The following MPDU1 variants were observed in gnomAD, a reference collection of about 807,000 sequenced individuals.
The protein encoded by MPDU1 is mannose-P-dolichol utilization defect 1, also known as mannose-P-dolichol utilization defect 1 protein.
Under a neutral mutation model 27.6 loss-of-function variants are expected in MPDU1, and 18 were observed. The ratio of observed to expected loss-of-function variants is 0.65; its 90% CI spans 0.45 to 0.97. The LOEUF is 0.97. Among genes scored for constraint, MPDU1 ranks in the 50% least tolerant of loss-of-function variants. The pLI, the probability that MPDU1 is intolerant of heterozygous loss-of-function variation, is 0.00. For missense variants in MPDU1, 279 were observed against 297.4 expected, an observed-to-expected ratio of 0.94 and a Z score of 0.46; for synonymous variants, 142 against 131.1, an observed-to-expected ratio of 1.08 and a Z score of -0.57.
chr17:7,584,283 G>C, intron 1 of MPDU1: 1 of 576,492 alleles, frequency 1.7e-6, no homozygotes, highest in Non-Finnish European at 3.1e-6. Context: ...ATCGCTAGCA[G>C]GGTTAAACTT....
At chr17:7,586,529 G>T in intron 3 of MPDU1, 163 bp from the exon 4 acceptor site, 2 of 715,618 alleles carry the variant, frequency 2.8e-6, no homozygotes, top group Admixed American at 4.0e-5. Context: ...TTGAGAAGGG[G>T]TGAGCATCCC....
Position 7,585,804 on chromosome 17 carries a change from CTCTTA to C in MPDU1, c.169+12_169+16del, listed in dbSNP as rs1442623168. The C allele has an allele frequency of 1.9e-6, 3 of 1,614,070 alleles. No homozygotes were observed. Among genetic ancestry groups the C allele is most frequent in the East Asian group, 2.2e-5 (1 of 44,894 alleles). On this transcript the variant is annotated splice_region_variant and intron_variant, in intron 2 of 6. Coordinates refer to ENST00000250124, the MANE Select transcript of MPDU1 (RefSeq NM_004870.4). ...GTGGCTGGCTCACTTCTAGGTATGT[CTCTTA>C]TCTTTCTTTCCAGCTGTTGGGTTGG...
chr17:7,583,685 CCTGA>C, upstream of MPDU1: 1 of 781,596 alleles, frequency 1.3e-6, no homozygotes, highest in Non-Finnish European at 2.3e-6. Flanking sequence ...AAACGTGGTC[CCTGA>C]CTGAGACTTA....
chr17:7,584,782 A>G (rs2071553152), intron 1 of MPDU1, among the ~76,000 whole-genome samples: 2 of 152,190 alleles, frequency 1.3e-5, no homozygotes, highest in Admixed American at 1.3e-4. Context: ...ACCTGAGGTC[A>G]GGCGTTCGAG....
chr17:7,587,895 C>T lies in MPDU1; in HGVS notation c.*344C>T, dbSNP rs767366072. 6 of 493,242 alleles carry T rather than the reference C, an allele frequency of 1.2e-5. No individual in the cohort carries two copies. Among genetic ancestry groups the T allele is most frequent in the African/African-American group, 7.8e-5 (4 of 51,604 alleles). The allele number at this position is 493,242 out of a possible 1,614,324, so 30.6% of individuals were successfully genotyped here. ...CTGGGCAAATGTTTTACCCTGTCCT[C>T]CAGCCTCCCTGCTTCCCTTCTGGCC... On this transcript the variant is annotated 3_prime_UTR_variant, in exon 7 of 7. Transcript: ENST00000250124.
At chr17:7,585,622 T>G in intron 1 of MPDU1, 110 bp from the exon 2 acceptor site, 1 of 1,022,894 alleles carries the variant, frequency 9.8e-7, no homozygotes, top group Non-Finnish European at 1.5e-6. Flanking sequence ...CCCAAGACAA[T>G]GCAAGACCCT....
rs371831033 is a variant in MPDU1, at chr17:7,587,598, A to G, written c.*47A>G. ...CGTTTCCACTCATTCACCCAACCTC[A>G]GGGTTCTCCCCATCTGAGCCAGCCT... On this transcript the variant is annotated 3_prime_UTR_variant, in exon 7 of 7. Coordinates refer to ENST00000250124, the MANE Select transcript of MPDU1 (RefSeq NM_004870.4). The G allele has an allele frequency of 6.2e-7, 1 of 1,612,120 alleles. No homozygotes were observed. Among genetic ancestry groups the G allele is most frequent in the African/African-American group, 1.3e-5 (1 of 74,778 alleles).
chr17:7,587,313 TCTTA>T, intron 6 of MPDU1, 42 bp downstream of exon 6: 1 of 1,612,836 alleles, frequency 6.2e-7, no homozygotes, highest in Non-Finnish European at 8.5e-7. Context: ...TAAAACCTCG[TCTTA>T]CTTCTCCCAG....
rs1424961136 is a variant in MPDU1 at position 7,587,573 on chromosome 17, C to T, written c.*22C>T. The T allele has an allele frequency of 2.5e-6, 4 of 1,613,500 alleles. No homozygotes were observed. The highest frequency in any genetic ancestry group is 1.1e-5 in the South Asian group (1 of 90,992). On this transcript the variant is annotated 3_prime_UTR_variant, in exon 7 of 7. Coordinates refer to ENST00000250124, the MANE Select transcript of MPDU1 (RefSeq NM_004870.4). ...GTAGAGCCAGCTACTGGAGTCATTC[C>T]GTTTCCACTCATTCACCCAACCTCA... is the stretch of plus-strand genomic sequence containing the variant.
chr17:7,587,752 T>C lies in MPDU1; in HGVS notation c.*201T>C. ...AAAAGGAGAGGATGGGGGTAGAGTC[T>C]CCCAAGCCAAAATTTTGACATTTGA... On this transcript the variant is annotated 3_prime_UTR_variant, in exon 7 of 7. Coordinates refer to ENST00000250124, the MANE Select transcript of MPDU1 (RefSeq NM_004870.4). The C allele has an allele frequency of 1.3e-6, 1 of 782,258 alleles. No individual in the cohort carries two copies. The highest frequency in any genetic ancestry group is 2.1e-6 in the Non-Finnish European group (1 of 467,224). 48.5% of individuals were successfully genotyped at this position (782,258 alleles called of 1,614,324 possible). A position where few individuals can be genotyped will look rare whatever the true frequency, so the allele number is the denominator to read the frequency against.
Position 7,585,778 on chromosome 17 carries a change from T to G in MPDU1, c.150T>G (p.Ile50Met), listed in dbSNP as rs1567742591. Residue 50 changes from isoleucine (I) to methionine (M), a missense_variant, in exon 2 of 7, where the codon ATT becomes ATG. By Grantham distance (10) the Ile-to-Met change is conservative. Coordinates refer to ENST00000250124, the MANE Select transcript of MPDU1 (RefSeq NM_004870.4). ...TCAGCAAAGGCCTGGGGCTGGGCAT[T>G]GTGGCTGGCTCACTTCTAGGTATGT... The part of the protein sequence containing the change: ...ILLSKGLGLG[I>M]VAGSLLVKLP... 1.2e-6 allele frequency: 2 copies of G among 1,614,174 alleles called. No individual in the cohort carries two copies. Among genetic ancestry groups the G allele is most frequent in the Non-Finnish European group, 1.7e-6 (2 of 1,180,020 alleles).
In MPDU1 at chr17:7,587,498, C is replaced by T; in HGVS notation, c.691C>T (p.Leu231=). 1 of 1,613,702 alleles carries T rather than the reference C, an allele frequency of 6.2e-7. No homozygotes were observed. Among genetic ancestry groups the T allele is most frequent in the Non-Finnish European group, 8.5e-7 (1 of 1,179,960 alleles). The change falls in exon 7 of 7, where the codon CTG becomes TTG. Residue 231 remains leucine (L), a synonymous_variant. Coordinates refer to ENST00000250124, the MANE Select transcript of MPDU1 (RefSeq NM_004870.4). ...SLCNGLIAAQ[L]LFYWNAKPPH... ...CTGCAACGGCCTCATCGCCGCCCAG[C>T]TGCTCTTCTACTGGAATGCAAAGCC...
At chr17:7,584,025 A>G in intron 1 of MPDU1, 60 bp downstream of exon 1, 1 of 1,532,994 alleles carries the variant, frequency 6.5e-7, no homozygotes, top group Non-Finnish European at 9.0e-7. Context: ...CCCTTAGTCC[A>G]AGCCTTGATC....
Position 7,587,143 on chromosome 17 carries a change from T to G in MPDU1, c.508-18T>G. On this transcript the variant is annotated intron_variant, in intron 5 of 6. Transcript: ENST00000250124. ...AGAGCTCAGGTGACAGAGCCAAAGG[T>G]CTCAACTCCTCCCCTAGCTTCTCCA... 6.2e-7 allele frequency: 1 copy of G among 1,612,238 alleles called. No homozygotes were observed.
In MPDU1 at chr17:7,587,731, G is replaced by A. The variant is rs1178114059; in HGVS notation, c.*180G>A. On this transcript the variant is annotated 3_prime_UTR_variant, in exon 7 of 7. Transcript: ENST00000250124. The stretch of plus-strand genomic sequence containing the variant: ...TTGATGGATCCAGATCCTTAGAAAA[G>A]GAGAGGATGGGGGTAGAGTCTCCCA... 1.1e-6 allele frequency: 1 copy of A among 950,630 alleles called. No individual in the cohort carries two copies. The highest frequency in any genetic ancestry group is 2.0e-5 in the Admixed American group (1 of 49,690). The allele number at this position is 950,630 out of a possible 1,614,324, so 58.9% of individuals were successfully genotyped here.
rs747826630 is a variant in MPDU1, at chr17:7,588,039, G to T, written c.*488G>T. ...AGTGCTGGGGTGGGGGAAGGGGGACGGAGAATGACTCAGGCAGGGCCCCAG... is the reference window on the plus strand; with the variant it reads ...AGTGCTGGGGTGGGGGAAGGGGGACTGAGAATGACTCAGGCAGGGCCCCAG... On this transcript the variant is annotated 3_prime_UTR_variant, in exon 7 of 7. Transcript: ENST00000250124. The T allele has an allele frequency of 2.0e-6, 1 of 507,916 alleles. No individual in the cohort carries two copies. Among genetic ancestry groups the T allele is most frequent in the East Asian group, 5.3e-5 (1 of 18,946 alleles). The allele number at this position is 507,916 out of a possible 1,614,324, so 31.5% of individuals were successfully genotyped here. A position where few individuals can be genotyped will look rare whatever the true frequency, so the allele number is the denominator to read the frequency against.
In MPDU1 at chr17:7,585,735, C is replaced by G. The variant is rs1193665863; in HGVS notation, c.107C>G (p.Pro36Arg). 1 of 1,613,970 alleles carries G rather than the reference C, an allele frequency of 6.2e-7. No homozygotes were observed. The highest frequency in any genetic ancestry group is 2.2e-5 in the East Asian group (1 of 44,894). Residue 36 changes from proline to arginine, a missense_variant, in exon 2 of 7, where the codon CCC (proline) becomes CGC (arginine). Physicochemically the swap from Pro to Arg is moderately radical, Grantham distance 103 (BLOSUM62 -2). Transcript: ENST00000250124. The part of the protein sequence containing the change: ...LFVQWDLLHV[P>R]CLKILLSKGL... Reference sequence around the variant, plus strand: ...TTACCCTTTTTTCTCTCCTCAGTCCCCTGCCTCAAGATTCTCCTCAGCAAA... The same window carrying G: ...TTACCCTTTTTTCTCTCCTCAGTCCGCTGCCTCAAGATTCTCCTCAGCAAA...
At position 7,587,432 on chromosome 17, in the gene MPDU1, G is replaced by A. The variant is rs567567162; in HGVS notation, c.625G>A (p.Gly209Arg). 20 of 1,613,954 alleles carry A rather than the reference G, an allele frequency of 1.2e-5. No individual in the cohort carries two copies. The highest frequency in any genetic ancestry group is 6.6e-5 in the South Asian group (6 of 91,078). The change falls in exon 7 of 7, where the codon GGA (glycine) becomes AGA (arginine). Residue 209 changes from glycine to arginine, a missense_variant. By Grantham distance (125) the Gly-to-Arg change is moderately radical (BLOSUM62 -2). Transcript: ENST00000250124. ...ARIFTSIQET[G>R]DPLMAGTFVV... ...CTCTGTCTCTTGCAACCAGGAAACC[G>A]GAGATCCCCTGATGGCTGGGACCTT...
chr17:7,586,410 G>A, intron 3 of MPDU1: 2 of 525,032 alleles, frequency 3.8e-6, no homozygotes, highest in Non-Finnish European at 3.4e-6. Context: ...CTGCACTCCA[G>A]CCTGGGCAAC....
Sources: allele counts gnomAD v4.1 joint callset (sites outside exome capture counted in the v4.1 genomes callset), GRCh38; gene constraint gnomAD v4.1.1; transcripts MANE v1.5; gene names NCBI Gene and HGNC (gene_info 2026-07-23, HGNC 2026-07-21).